Variants in WASF1 observed in about 807,000 individuals in gnomAD.
WASF1 encodes the protein actin-binding protein WASF1.
Under a neutral mutation model 50.5 loss-of-function variants are expected in WASF1, and 7 were observed. The ratio of observed to expected loss-of-function variants is 0.14; its 90% CI spans 0.08 to 0.26. The LOEUF (loss-of-function observed/expected upper bound fraction) is 0.26. Among genes scored for constraint, WASF1 ranks in the 10% least tolerant of loss-of-function variants. The pLI, the probability that WASF1 is intolerant of heterozygous loss-of-function variation, is 1.00. For synonymous variants in WASF1, 205 were observed against 244.0 expected (o/e 0.84, Z 1.49); for missense variants, 470 against 694.7 (o/e 0.68, Z 3.64).
intron 3 of WASF1, among the ~76,000 whole-genome samples, chr6:110,145,832 G>A (rs1775532970): frequency 6.6e-6 from 1 of 152,040 alleles, no homozygotes; most frequent in South Asian, 2.1e-4. Flanking sequence ...CCTTTGCAGG[G>A]ACATGGATGA....
chr6:110,166,161 T>G (rs1312984581), intron 2 of WASF1, among the ~76,000 whole-genome samples: 1 of 151,242 alleles, frequency 6.6e-6, no homozygotes, highest in African/African-American at 2.4e-5. Context: ...GAAAAGCAGA[T>G]GAATGCTTAT....
intron 3 of WASF1, among the ~76,000 whole-genome samples, chr6:110,159,881 T>G (rs1468058405): frequency 1.3e-5 from 2 of 151,822 alleles, no homozygotes; most frequent in Non-Finnish European, 2.9e-5. Context: ...GCTCAAAATG[T>G]TTCGGATTTT....
intron 3 of WASF1, among the ~76,000 whole-genome samples, chr6:110,136,767 AG>A (rs1290650522): frequency 6.6e-6 from 1 of 152,088 alleles, no homozygotes; most frequent in Non-Finnish European, 1.5e-5. Flanking sequence ...TCTTTAACTT[AG>A]TTTGTTAATA....
At chr6:110,130,691 T>C (rs932191498) in intron 3 of WASF1, among the ~76,000 whole-genome samples, 2 of 152,222 alleles carry the variant, frequency 1.3e-5, no homozygotes, top group Admixed American at 1.3e-4. Context: ...ACATGTGTCT[T>C]AGTGTACACA....
intron 2 of WASF1, among the ~76,000 whole-genome samples, chr6:110,171,725 T>G (rs140576385): frequency 2.2e-4 from 33 of 152,112 alleles, no homozygotes; most frequent in African/African-American, 7.9e-4. Context: ...CAAAAGAAAC[T>G]ACCATCAGAG....
intron 3 of WASF1, among the ~76,000 whole-genome samples, chr6:110,136,177 C>T (rs1406791403): frequency 1.3e-5 from 2 of 152,118 alleles, no homozygotes; most frequent in African/African-American, 4.8e-5. Context: ...AGCCACTGCG[C>T]CCAGCCAAAA....
At chr6:110,155,542 T>TACAATCTTATATAAAAGGAGAATC (rs1562185721) in intron 3 of WASF1, among the ~76,000 whole-genome samples, 2 of 117,356 alleles carry the variant, frequency 1.7e-5, no homozygotes, top group Non-Finnish European at 3.3e-5. Flanking sequence ...CCTTCTTTTT[T>TACAATCTTATATAAAAGGAGAATC]TTTTTTTTTT....
intron 3 of WASF1, among the ~76,000 whole-genome samples, chr6:110,135,787 G>T (rs200029605): frequency 1.0e-5 from 1 of 99,130 alleles, no homozygotes; most frequent in Middle Eastern, 6.9e-3. Flanking sequence ...ATTACTTTTT[G>T]GCCTTTTGGC....
intron 2 of WASF1, among the ~76,000 whole-genome samples, chr6:110,177,574 G>A (rs989558972): frequency 1.3e-5 from 2 of 151,986 alleles, no homozygotes; most frequent in African/African-American, 4.8e-5. Context: ...CTGAATTTAT[G>A]CACACTACCT....
intron 3 of WASF1, among the ~76,000 whole-genome samples, chr6:110,154,493 G>C (rs1032532959): frequency 2.0e-5 from 3 of 151,964 alleles, no homozygotes; most frequent in African/African-American, 4.8e-5. Context: ...TTAAGAGAAA[G>C]ATATAAATAG....
rs1270798588 is a variant in WASF1 at position 110,143,839 on chromosome 6, A to AT, written c.-28-16211dup. On this transcript the variant is annotated intron_variant, in intron 3 of 10. Transcript: ENST00000392589. ...ACATTAATGTTAACTAAAAAATTATATGTCATAGAAATATAATTTTCATTG... is the reference window on the plus strand; with the variant it reads ...ACATTAATGTTAACTAAAAAATTATATTGTCATAGAAATATAATTTTCATTG... Among the ~76,000 whole-genome samples the AT allele has an allele frequency of 8.5e-5, 13 of 152,332 alleles. No homozygotes were observed. In the East Asian group the frequency reaches 2.3e-3, roughly 27 times the overall value.
At chr6:110,111,143 T>G (rs541041194) in intron 5 of WASF1, among the ~76,000 whole-genome samples, 2 of 152,356 alleles carry the variant, frequency 1.3e-5, no homozygotes, top group East Asian at 3.9e-4. Context: ...TTTTTATTTC[T>G]GTTACATATG....
intron 8 of WASF1, among the ~76,000 whole-genome samples, chr6:110,104,880 G>C (rs191812653): frequency 1.2e-4 from 18 of 152,282 alleles, no homozygotes; most frequent in African/African-American, 4.3e-4. Context: ...ATGTTATTTA[G>C]TTAGGGCCCC....
intron 3 of WASF1, among the ~76,000 whole-genome samples, chr6:110,135,666 G>C (rs1774913405): frequency 1.3e-5 from 2 of 149,812 alleles, no homozygotes. Flanking sequence ...TTAGAATTAA[G>C]GTAGTCAATG....
At chr6:110,109,814 C>A (rs1773481098) in intron 5 of WASF1, among the ~76,000 whole-genome samples, 1 of 151,922 alleles carries the variant, frequency 6.6e-6, no homozygotes, top group Non-Finnish European at 1.5e-5. Flanking sequence ...CCCGCCTCAG[C>A]CTCCCAAAGT....
chr6:110,177,703 T>G (rs1354319980), intron 2 of WASF1, among the ~76,000 whole-genome samples: 1 of 152,124 alleles, frequency 6.6e-6, no homozygotes, highest in Non-Finnish European at 1.5e-5. Flanking sequence ...TTATATTATA[T>G]GTACGCCACT....
intron 3 of WASF1, among the ~76,000 whole-genome samples, chr6:110,147,404 G>C (rs1460855325): frequency 6.6e-6 from 1 of 151,076 alleles, no homozygotes; most frequent in African/African-American, 2.4e-5. Flanking sequence ...ATTAAATTTT[G>C]ATAGGCTACT....
intron 3 of WASF1, among the ~76,000 whole-genome samples, chr6:110,139,396 C>G (rs1775119392): frequency 6.6e-6 from 1 of 152,242 alleles, no homozygotes; most frequent in Non-Finnish European, 1.5e-5. Context: ...GCCCTGACCG[C>G]TCCTCCCCCG....
chr6:110,116,481 G>C (rs1004056924), intron 4 of WASF1, among the ~76,000 whole-genome samples: 5 of 152,168 alleles, frequency 3.3e-5, no homozygotes, highest in African/African-American at 9.7e-5. Context: ...TGACGGGGGA[G>C]GGGTGTCCAC....
Sources: allele counts gnomAD v4.1 joint callset (sites outside exome capture counted in the v4.1 genomes callset), GRCh38; gene constraint gnomAD v4.1.1; transcripts MANE v1.5; gene names NCBI Gene and HGNC (gene_info 2026-07-23, HGNC 2026-07-21).